Variants in FANCC observed in about 807,000 individuals in gnomAD.
The protein encoded by FANCC is Fanconi anemia group C protein.
Under a neutral mutation model 71.3 loss-of-function variants are expected in FANCC, and 55 were observed. The observed-to-expected ratio is 0.77, with a 90% CI of 0.62 to 0.97. The LOEUF (loss-of-function observed/expected upper bound fraction) is 0.97, where lower values mean the gene tolerates loss of function less well. FANCC is among the 50% of genes least tolerant of loss of function. The probability of loss-of-function intolerance (pLI) is 0.00; values close to 1 mark genes in which losing one functional copy is unlikely to be tolerated. For missense variants in FANCC, 678 were observed against 670.9 expected (o/e 1.01, Z -0.12); for synonymous variants, 275 against 244.9 (o/e 1.12, Z -1.15).
chr9:95,208,988 AT>A (rs964221267), intron 4 of FANCC, among the ~76,000 whole-genome samples: 9 of 152,156 alleles, frequency 5.9e-5, no homozygotes, highest in Non-Finnish European at 1.5e-5. Flanking sequence ...TTTACTCATA[AT>A]TCCAAAACTT....
At position 95,101,515 on chromosome 9, in the gene FANCC, C is replaced by A. The variant is rs1437903197; in HGVS notation, c.*192G>T. On this transcript the variant is annotated 3_prime_UTR_variant, in exon 15 of 15. Coordinates refer to ENST00000289081, the MANE Select transcript of FANCC (RefSeq NM_000136.3). ...CATTAGTGAACATGTCTGACTGAGT[C>A]TGGGCTGAGGGACCTGGCTCTGCAT... 2.9e-6 allele frequency: 2 copies of A among 690,286 alleles called. No homozygotes were observed. Among genetic ancestry groups the A allele is most frequent in the East Asian group, 2.7e-5 (1 of 36,380 alleles). The allele number at this position is 690,286 out of a possible 1,614,324, so 42.8% of individuals were successfully genotyped here.
chr9:95,107,551 A>G (rs2071549051), intron 13 of FANCC: 1 of 536,728 alleles, frequency 1.9e-6, no homozygotes. Flanking sequence ...AAAGTTCTCA[A>G]CAGAATGTAG....
chr9:95,209,791 A>G (rs1828377749), intron 4 of FANCC, among the ~76,000 whole-genome samples: 1 of 152,156 alleles, frequency 6.6e-6, no homozygotes. Flanking sequence ...ACTCTGGTTC[A>G]AGCCCTCATA....
intron 4 of FANCC, among the ~76,000 whole-genome samples, chr9:95,177,173 C>G (rs1826059243): frequency 1.3e-5 from 2 of 152,164 alleles, no homozygotes; most frequent in African/African-American, 4.8e-5. Context: ...TGCTGCACAC[C>G]TAGGCTACAT....
At chr9:95,146,639 T>C (rs1001932185) in intron 7 of FANCC, among the ~76,000 whole-genome samples, 3 of 152,130 alleles carry the variant, frequency 2.0e-5, no homozygotes, top group Non-Finnish European at 4.4e-5. Flanking sequence ...TTCGGAAATG[T>C]GAATGCTTTG....
intron 1 of FANCC, among the ~76,000 whole-genome samples, chr9:95,314,155 G>A (rs1271634629): frequency 1.3e-5 from 2 of 152,356 alleles, no homozygotes; most frequent in African/African-American, 2.4e-5. Context: ...ATATTGGCAT[G>A]ATGCCGTATG....
At chr9:95,308,377 G>A (rs975116057) in intron 1 of FANCC, among the ~76,000 whole-genome samples, 5 of 151,814 alleles carry the variant, frequency 3.3e-5, no homozygotes, top group East Asian at 1.9e-4. Context: ...GCAACCTCCC[G>A]AGTTCAAGCG....
chr9:95,209,728 T>C (rs549026032), intron 4 of FANCC, among the ~76,000 whole-genome samples: 79 of 152,312 alleles, frequency 5.2e-4, no homozygotes, highest in African/African-American at 1.9e-3. Flanking sequence ...CTATTGATTA[T>C]ATTTCCAGAC....
chr9:95,282,057 A>G (rs1183119835), intron 1 of FANCC, among the ~76,000 whole-genome samples: 7 of 151,690 alleles, frequency 4.6e-5, no homozygotes, highest in Non-Finnish European at 1.0e-4. Flanking sequence ...CCTACCAATA[A>G]TTACTTTGAA....
At chr9:95,180,230 G>C (rs1223515448) in intron 4 of FANCC, among the ~76,000 whole-genome samples, 1 of 151,996 alleles carries the variant, frequency 6.6e-6, no homozygotes, top group African/African-American at 2.4e-5. Context: ...AGGTCTTCAG[G>C]GGCAATAACA....
At chr9:95,282,769 A>G (rs1413203754) in intron 1 of FANCC, among the ~76,000 whole-genome samples, 1 of 152,204 alleles carries the variant, frequency 6.6e-6, no homozygotes, top group Non-Finnish European at 1.5e-5. Flanking sequence ...CTAGACATCA[A>G]TAAAAGGGGA....
intron 13 of FANCC, among the ~76,000 whole-genome samples, chr9:95,109,138 A>G (rs2071706242): frequency 6.6e-6 from 1 of 152,152 alleles, no homozygotes; most frequent in African/African-American, 2.4e-5. Context: ...TCTCAAACTC[A>G]TGGATTCAAG....
intron 6 of FANCC, among the ~76,000 whole-genome samples, chr9:95,157,618 T>C (rs1018727293): frequency 6.6e-6 from 1 of 152,234 alleles, no homozygotes; most frequent in South Asian, 2.1e-4. Context: ...GAAGTGCTGC[T>C]CTGGCAACCA....
chr9:95,294,566 A>C (rs1834260479), intron 1 of FANCC: 1 of 1,538,100 alleles, frequency 6.5e-7, no homozygotes, highest in Non-Finnish European at 9.0e-7. Context: ...ACACAAACTG[A>C]AGGAATCTCC....
chr9:95,237,615 T>A (rs1341349901), intron 4 of FANCC, among the ~76,000 whole-genome samples: 4 of 152,056 alleles, frequency 2.6e-5, no homozygotes, highest in African/African-American at 9.6e-5. Context: ...TTGTATTTAA[T>A]TTTAATTCAA....
At chr9:95,290,255 T>C (rs1833926783) in intron 1 of FANCC, among the ~76,000 whole-genome samples, 2 of 152,174 alleles carry the variant, frequency 1.3e-5, no homozygotes, top group African/African-American at 4.8e-5. Flanking sequence ...CTGGGGGACC[T>C]GAGAAACAAT....
At chr9:95,179,815 T>G (rs1016127292) in intron 4 of FANCC, among the ~76,000 whole-genome samples, 1 of 152,202 alleles carries the variant, frequency 6.6e-6, no homozygotes, top group African/African-American at 2.4e-5. Context: ...TAGCACATGA[T>G]GAGTAGTTGT....
At chr9:95,295,526 C>T (rs1304228841) in intron 1 of FANCC, among the ~76,000 whole-genome samples, 2 of 152,118 alleles carry the variant, frequency 1.3e-5, no homozygotes, top group Non-Finnish European at 2.9e-5. Flanking sequence ...GGGAAATACA[C>T]ATCAAAACCA....
At chr9:95,212,150 T>C (rs1195461439) in intron 4 of FANCC, among the ~76,000 whole-genome samples, 2 of 152,062 alleles carry the variant, frequency 1.3e-5, no homozygotes, top group Non-Finnish European at 2.9e-5. Flanking sequence ...TTAACACTGA[T>C]AGAATTCAAG....
Sources: allele counts gnomAD v4.1 joint callset (sites outside exome capture counted in the v4.1 genomes callset), GRCh38; gene constraint gnomAD v4.1.1; transcripts MANE v1.5; gene names NCBI Gene and HGNC (gene_info 2026-07-23, HGNC 2026-07-21).